The following MARK1 variants were observed in gnomAD, a reference collection of about 807,000 sequenced individuals.
The protein encoded by MARK1 is serine/threonine-protein kinase MARK1.
MARK1 carries 40 observed loss-of-function variants against 96.3 expected under a neutral mutation model. That is an observed-to-expected ratio of 0.42 (90% CI 0.32 to 0.54). The LOEUF is 0.54. Ranked by LOEUF, MARK1 falls within the 20% of genes least tolerant of loss-of-function variation. The probability of loss-of-function intolerance (pLI) is 0.16; values close to 1 mark genes in which losing one functional copy is unlikely to be tolerated. For synonymous variants in MARK1, 317 were observed against 341.2 expected (o/e 0.93, Z 0.78); for missense variants, 719 against 984.6 (o/e 0.73, Z 3.61).
At chr1:220,631,937 G>C (rs1307925856) in intron 10 of MARK1, among the ~76,000 whole-genome samples, 1 of 152,118 alleles carries the variant, frequency 6.6e-6, no homozygotes, top group Non-Finnish European at 1.5e-5. Context: ...GTTAGCTCAG[G>C]AATGTATTAG....
intron 9 of MARK1, among the ~76,000 whole-genome samples, chr1:220,630,095 A>G (rs1667587758): frequency 6.6e-6 from 1 of 152,252 alleles, no homozygotes; most frequent in African/African-American, 2.4e-5. Flanking sequence ...GTTTCTCCAC[A>G]TGCTCACCAA....
At chr1:220,638,794 C>T (rs1359576038) in intron 13 of MARK1, among the ~76,000 whole-genome samples, 1 of 151,774 alleles carries the variant, frequency 6.6e-6, no homozygotes, top group Non-Finnish European at 1.5e-5. Context: ...TTTGAGAAAC[C>T]AAAGTAATAT....
chr1:220,587,329 TTCTC>T (rs57932958), intron 3 of MARK1, among the ~76,000 whole-genome samples: 82,796 of 135,330 alleles, frequency 0.61, 26,699 homozygotes, highest in Non-Finnish European at 0.7. Context: ...CTCTCTTTCT[TTCTC>T]TCTCTCTCTC....
At chr1:220,563,392 A>G (rs1210348410) in intron 1 of MARK1, among the ~76,000 whole-genome samples, 2 of 152,170 alleles carry the variant, frequency 1.3e-5, no homozygotes, top group African/African-American at 4.8e-5. Flanking sequence ...TACTCATTCC[A>G]TTTACTCAGC....
At chr1:220,533,612 G>A (rs935544171) in intron 1 of MARK1, among the ~76,000 whole-genome samples, 10 of 152,004 alleles carry the variant, frequency 6.6e-5, no homozygotes, top group Admixed American at 6.6e-4. Flanking sequence ...GTAACTCTAG[G>A]TTGATAGTTT....
intron 13 of MARK1, among the ~76,000 whole-genome samples, chr1:220,644,627 C>A (rs1458784526): frequency 1.3e-5 from 2 of 152,060 alleles, no homozygotes; most frequent in African/African-American, 2.4e-5. Context: ...GCAGAATATA[C>A]ATTTTTCTTG....
intron 13 of MARK1, among the ~76,000 whole-genome samples, chr1:220,640,443 C>T (rs946182124): frequency 6.6e-6 from 1 of 152,116 alleles, no homozygotes; most frequent in Non-Finnish European, 1.5e-5. Context: ...CAGTTGATAG[C>T]ATGGGGAGAG....
chr1:220,545,439 G>GTTTTTTTTTTTTTT, intron 1 of MARK1, among the ~76,000 whole-genome samples: 1 of 87,262 alleles, frequency 1.1e-5, no homozygotes, highest in Non-Finnish European at 2.1e-5. Flanking sequence ...CTTTCTCATG[G>GTTTTTTTTTTTTTT]TTTTTTTTTT....
In MARK1 at chr1:220,561,807, G is replaced by A. The variant is rs924772387; in HGVS notation, c.52-17547G>A. Among the ~76,000 whole-genome samples the A allele has an allele frequency of 5.9e-5, 9 of 152,292 alleles. No homozygotes were observed. In the South Asian group the frequency reaches 6.2e-4, roughly 11 times the overall value. ...GTATTTGGAATTTGGCCAGGGAGCTGTTGTGTTCTGTTTACTTCTAGATAT... is the reference window on the plus strand; with the variant it reads ...GTATTTGGAATTTGGCCAGGGAGCTATTGTGTTCTGTTTACTTCTAGATAT... On this transcript the variant is annotated intron_variant, in intron 1 of 17. Transcript: ENST00000366917.
intron 9 of MARK1, among the ~76,000 whole-genome samples, chr1:220,624,690 A>AT (rs750796652): frequency 3.3e-5 from 5 of 152,246 alleles, no homozygotes; most frequent in South Asian, 2.1e-4. Flanking sequence ...CCATGTATAT[A>AT]TTTTTTCTGA....
intron 1 of MARK1, among the ~76,000 whole-genome samples, chr1:220,536,563 T>C (rs543359243): frequency 2.0e-5 from 3 of 147,394 alleles, no homozygotes; most frequent in Admixed American, 6.8e-5. Context: ...CTCTCTCTCT[T>C]TTTTTTTTTT....
intron 5 of MARK1, 92 bp downstream of exon 5, chr1:220,599,955 G>A (rs1665632201): frequency 1.4e-6 from 1 of 719,606 alleles, no homozygotes; most frequent in African/African-American, 1.8e-5. Flanking sequence ...TGTCTTCAGT[G>A]TTAATGAATC....
chr1:220,563,526 C>T (rs1213461687), intron 1 of MARK1, among the ~76,000 whole-genome samples: 1 of 152,040 alleles, frequency 6.6e-6, no homozygotes, highest in African/African-American at 2.4e-5. Context: ...TGATAACTGT[C>T]TATCATTTTA....
At chr1:220,547,169 T>C (rs1307232216) in intron 1 of MARK1, among the ~76,000 whole-genome samples, 2 of 152,172 alleles carry the variant, frequency 1.3e-5, no homozygotes, top group African/African-American at 2.4e-5. Flanking sequence ...AAATTATTTA[T>C]TAACTGAATA....
At chr1:220,532,211 A>C (rs1660363039) in intron 1 of MARK1, among the ~76,000 whole-genome samples, 1 of 152,228 alleles carries the variant, frequency 6.6e-6, no homozygotes, top group South Asian at 2.1e-4. Flanking sequence ...TGACATACTG[A>C]AATTCATGGC....
chr1:220,548,493 A>G (rs987154575), intron 1 of MARK1, among the ~76,000 whole-genome samples: 1 of 152,114 alleles, frequency 6.6e-6, no homozygotes, highest in African/African-American at 2.4e-5. Flanking sequence ...TAATCCCAGC[A>G]CTTCGGGAGG....
At chr1:220,567,718 A>G (rs967301636) in intron 1 of MARK1, among the ~76,000 whole-genome samples, 1 of 152,192 alleles carries the variant, frequency 6.6e-6, no homozygotes, top group Non-Finnish European at 1.5e-5. Context: ...TCTCTTTTGT[A>G]TAGTTCTAAT....
At chr1:220,584,582 A>G (rs1664466290) in intron 3 of MARK1, among the ~76,000 whole-genome samples, 1 of 152,236 alleles carries the variant, frequency 6.6e-6, no homozygotes, top group Admixed American at 6.5e-5. Flanking sequence ...GAGTTTTTAA[A>G]TAAAGCCCAG....
At chr1:220,562,694 A>C (rs920352097) in intron 1 of MARK1, among the ~76,000 whole-genome samples, 5 of 152,150 alleles carry the variant, frequency 3.3e-5, no homozygotes, top group Non-Finnish European at 7.4e-5. Flanking sequence ...AAAAATTGAC[A>C]GATGCTTAAG....
Sources: gnomAD v4.1 joint callset for allele counts (sites outside exome capture counted in the v4.1 genomes callset) on GRCh38, gnomAD v4.1.1 for gene constraint, MANE v1.5 for transcripts, NCBI Gene and HGNC (gene_info 2026-07-23, HGNC 2026-07-21) for gene names.